STS: variants seen among roughly 807,000 people sequenced by gnomAD.
STS encodes the protein steryl-sulfatase.
Under a neutral mutation model 26.8 loss-of-function variants are expected in STS, and 7 were observed. The ratio of observed to expected loss-of-function variants is 0.26; its 90% CI spans 0.15 to 0.49. The LOEUF is 0.49. Ranked by LOEUF, STS falls within the 20% of genes least tolerant of loss-of-function variation. The pLI, the probability that STS is intolerant of heterozygous loss-of-function variation, is 0.98. For synonymous variants in STS, 199 were observed against 189.4 expected (o/e 1.05, Z -0.42); for missense variants, 434 against 465.6 (o/e 0.93, Z 0.63).
chrX:7,234,080 T>C (rs1412282335), intron 2 of STS, among the ~76,000 whole-genome samples: 5 of 112,159 alleles, frequency 4.5e-5, no homozygotes, highest in Non-Finnish European at 9.4e-5. Flanking sequence ...CTGCTGCCCA[T>C]GGTTTTGTTC....
At chrX:7,194,873 C>T (rs777985070) in intron 2 of STS, among the ~76,000 whole-genome samples, 36 of 111,712 alleles carry the variant, frequency 3.2e-4, no homozygotes, top group Admixed American at 3.1e-3. Flanking sequence ...AGAGTATACT[C>T]ACACAAACCT....
intron 2 of STS, among the ~76,000 whole-genome samples, chrX:7,224,998 T>C (rs1430544850): frequency 1.8e-5 from 2 of 112,312 alleles, no homozygotes; most frequent in Non-Finnish European, 3.8e-5. Flanking sequence ...TTTCAAAGCC[T>C]CTGGCTAAGG....
At chrX:7,211,320 G>A (rs1389945106) in intron 2 of STS, among the ~76,000 whole-genome samples, 1 of 111,594 alleles carries the variant, frequency 9.0e-6, no homozygotes, top group Non-Finnish European at 1.9e-5. Context: ...TGCCAGCTAC[G>A]TTGTGTTCTC....
chrX:7,229,006 TAAC>T (rs1379110182), intron 2 of STS, among the ~76,000 whole-genome samples: 1 of 112,369 alleles, frequency 8.9e-6, no homozygotes, highest in Admixed American at 9.4e-5. Flanking sequence ...CCCCATCTCT[TAAC>T]ACATGCTGTT....
intron 2 of STS, among the ~76,000 whole-genome samples, chrX:7,246,548 C>A (rs748014987): frequency 9.0e-6 from 1 of 111,065 alleles, no homozygotes; most frequent in Non-Finnish European, 1.9e-5. Flanking sequence ...CATCGTGATC[C>A]GCCCGCCTCG....
At chrX:7,272,070 A>G (rs1037134237) in intron 6 of STS, among the ~76,000 whole-genome samples, 1 of 110,486 alleles carries the variant, frequency 9.1e-6, no homozygotes, top group East Asian at 2.8e-4. Flanking sequence ...AAAATACAAA[A>G]TGCATTTAGA....
At chrX:7,161,452 A>G (rs929649979) in intron 1 of STS, among the ~76,000 whole-genome samples, 1 of 112,111 alleles carries the variant, frequency 8.9e-6, no homozygotes, top group Non-Finnish European at 1.9e-5. Context: ...CAGAAAATGA[A>G]CATCCAAAAA....
intron 8 of STS, among the ~76,000 whole-genome samples, chrX:7,309,521 C>A (rs1926380928): frequency 9.1e-6 from 1 of 110,417 alleles, no homozygotes; most frequent in South Asian, 3.9e-4. Context: ...AACAAACCAA[C>A]CTTCACGTGA....
intron 2 of STS, among the ~76,000 whole-genome samples, chrX:7,206,131 CT>C (rs1934225412): frequency 8.9e-6 from 1 of 111,914 alleles, no homozygotes; most frequent in Non-Finnish European, 1.9e-5. Context: ...GCCCCCAGGC[CT>C]GTTCAATACT....
At position 7,259,831 on chromosome X, in the gene STS, G is replaced by A. The variant is rs969872585; in HGVS notation, c.806+59G>A. 6.5e-5 allele frequency: 75 copies of A among 1,157,819 alleles called. No homozygotes were observed. The East Asian group carries it at 1.8e-3, about 27-fold the overall frequency. On this transcript the variant is annotated intron_variant, in intron 6 of 10. Transcript: ENST00000674429. ...TAAAAAACATTCTGGGTTATTTCTC[G>A]TGGAGGTGGAAGAACCAACAGGGTT... is the stretch of plus-strand genomic sequence containing the variant.
intron 10 of STS, among the ~76,000 whole-genome samples, chrX:7,344,616 G>A (rs1215100662): frequency 3.6e-5 from 4 of 111,567 alleles, no homozygotes; most frequent in South Asian, 3.8e-4. Context: ...TGGGCCATGC[G>A]GCCTTTCTGA....
intron 1 of STS, among the ~76,000 whole-genome samples, chrX:7,166,002 C>CT (rs777828028): frequency 0.013 from 1,202 of 93,339 alleles, 18 homozygotes; most frequent in African/African-American, 0.027. Flanking sequence ...CTGTCGCTGT[C>CT]TTTTTTTTTT....
Position 7,257,446 on chromosome X carries a change from T to C in STS, c.260-20T>C. ...CGAGGTATCTCCTGGTTCCTAAGGG[T>C]TGATTTTTTCCTGGTCCAGGAATGG... On this transcript the variant is annotated intron_variant, in intron 4 of 10. Transcript: ENST00000674429. 8 of 1,212,155 alleles carry C rather than the reference T, an allele frequency of 6.6e-6. No homozygotes were observed. Among genetic ancestry groups the C allele is most frequent in the Non-Finnish European group, 8.9e-6 (8 of 895,483 alleles).
intron 2 of STS, among the ~76,000 whole-genome samples, chrX:7,242,066 A>T (rs1039154333): frequency 1.2e-4 from 13 of 111,211 alleles, no homozygotes; most frequent in Non-Finnish European, 2.4e-4. Flanking sequence ...ATAGTCTTTT[A>T]CAACCCAATC....
chrX:7,260,329 A>C (rs1367287726), intron 6 of STS, among the ~76,000 whole-genome samples: 2 of 112,269 alleles, frequency 1.8e-5, no homozygotes, highest in East Asian at 5.7e-4. Context: ...CATTCCCCAC[A>C]TCCTGGGCTG....
At chrX:7,253,474 A>T in intron 3 of STS, 138 bp downstream of exon 3, 1 of 842,095 alleles carries the variant, frequency 1.2e-6, no homozygotes. Flanking sequence ...CTTCATGTAG[A>T]TACACTGAGA....
At chrX:7,305,229 G>T (rs749195519) in intron 8 of STS, 46 bp downstream of exon 8, 2 of 1,201,455 alleles carry the variant, frequency 1.7e-6, no homozygotes, top group Non-Finnish European at 2.3e-6. Context: ...CAGCTCATCC[G>T]CTGGTCACTT....
intron 2 of STS, among the ~76,000 whole-genome samples, chrX:7,211,443 A>G (rs1434202956): frequency 9.0e-6 from 1 of 111,627 alleles, no homozygotes; most frequent in Admixed American, 9.5e-5. Flanking sequence ...CTGGGCCACT[A>G]GTAATTTCTA....
At chrX:7,268,624 ATAAT>A (rs771308099) in intron 6 of STS, among the ~76,000 whole-genome samples, 34 of 112,525 alleles carry the variant, frequency 3.0e-4, no homozygotes, top group African/African-American at 9.4e-4. Flanking sequence ...GAAAAAGTAA[ATAAT>A]TAAAGAATTA....
Sources: gnomAD v4.1 joint callset for allele counts (sites outside exome capture counted in the v4.1 genomes callset) on GRCh38, gnomAD v4.1.1 for gene constraint, MANE v1.5 for transcripts, NCBI Gene and HGNC (gene_info 2026-07-23, HGNC 2026-07-21) for gene names.